The following ENOX1 variants were observed in gnomAD, a reference collection of about 807,000 sequenced individuals.
The protein encoded by ENOX1 is ecto-NOX disulfide-thiol exchanger 1.
ENOX1 carries 42 observed loss-of-function variants against 82.5 expected under a neutral mutation model. The observed-to-expected ratio is 0.51, with a 90% CI of 0.40 to 0.66. The LOEUF (loss-of-function observed/expected upper bound fraction) is 0.66. Ranked by LOEUF, ENOX1 falls within the 30% of genes least tolerant of loss-of-function variation. The pLI, the probability that ENOX1 is intolerant of heterozygous loss-of-function variation, is 0.00. For missense variants in ENOX1, 608 were observed against 811.6 expected (o/e 0.75, Z 3.05); for synonymous variants, 271 against 282.2 (o/e 0.96, Z 0.40).
intron 14 of ENOX1, among the ~76,000 whole-genome samples, chr13:43,253,823 G>A (rs750893163): frequency 9.9e-5 from 15 of 151,800 alleles, no homozygotes; most frequent in Non-Finnish European, 1.6e-4. Flanking sequence ...CCACCTTTTG[G>A]GCTCCCGACT....
chr13:43,659,360 C>T (rs935602261), intron 2 of ENOX1, among the ~76,000 whole-genome samples: 29 of 151,832 alleles, frequency 1.9e-4, no homozygotes, highest in African/African-American at 6.3e-4. Context: ...GGTAGTGGCA[C>T]GCGCCTGTAA....
At chr13:43,501,583 ACAATAT>A (rs1282272461) in intron 2 of ENOX1, among the ~76,000 whole-genome samples, 1 of 151,734 alleles carries the variant, frequency 6.6e-6, no homozygotes, top group Non-Finnish European at 1.5e-5. Context: ...GAAATCAAAC[ACAATAT>A]CAATAACAAA....
chr13:43,672,049 GATC>G, intron 1 of ENOX1, among the ~76,000 whole-genome samples: 1 of 152,244 alleles, frequency 6.6e-6, no homozygotes, highest in South Asian at 2.1e-4. Flanking sequence ...ATTGGACTGA[GATC>G]ATCACCCCTT....
chr13:43,702,419 T>C (rs1594471317), intron 1 of ENOX1, among the ~76,000 whole-genome samples: 1 of 152,198 alleles, frequency 6.6e-6, no homozygotes, highest in Admixed American at 6.5e-5. Flanking sequence ...GGTTGGCTAA[T>C]ACTCTACTGC....
chr13:43,247,555 T>C (rs2043144580), intron 14 of ENOX1, among the ~76,000 whole-genome samples: 1 of 151,714 alleles, frequency 6.6e-6, no homozygotes, highest in South Asian at 2.1e-4. Context: ...CAGTGTGAGT[T>C]ACATTTTCTA....
intron 3 of ENOX1, among the ~76,000 whole-genome samples, chr13:43,457,891 A>G (rs2057302462): frequency 5.3e-5 from 8 of 152,190 alleles, no homozygotes; most frequent in Admixed American, 4.6e-4. Context: ...ACTCTGAAAT[A>G]TATCTATTTT....
chr13:43,235,259 AT>A (rs1244754330), intron 15 of ENOX1, among the ~76,000 whole-genome samples: 3 of 152,232 alleles, frequency 2.0e-5, no homozygotes, highest in African/African-American at 7.2e-5. Context: ...CAAAAAAAAA[AT>A]AATTGGTTTT....
chr13:43,283,616 AT>A lies in ENOX1; in HGVS notation c.1447-14040del, dbSNP rs111677774. Among the ~76,000 whole-genome samples the A allele has an allele frequency of 1.9e-3, 270 of 143,868 alleles. 1 individual carries two copies. The highest frequency in any genetic ancestry group is 0.011 in the Middle Eastern group (3 of 278). The allele number at this position is 143,868 out of a possible 152,430, so 94.4% of individuals were successfully genotyped here. The stretch of plus-strand genomic sequence containing the variant: ...ACGTGCTACTATGCCTAGCTAATTA[AT>A]TTTTTTTTTTTTTGTACAGATGGGG... On this transcript the variant is annotated intron_variant, in intron 12 of 16. Coordinates refer to ENST00000690772, the MANE Select transcript of ENOX1 (RefSeq NM_001347969.2).
intron 5 of ENOX1, among the ~76,000 whole-genome samples, chr13:43,398,405 C>A (rs1045229925): frequency 3.3e-5 from 5 of 152,120 alleles, no homozygotes; most frequent in African/African-American, 1.2e-4. Flanking sequence ...TGGGGTGCTT[C>A]AGGGACTCAA....
chr13:43,471,327 T>C (rs924451839), intron 3 of ENOX1, among the ~76,000 whole-genome samples: 4 of 152,102 alleles, frequency 2.6e-5, no homozygotes, highest in African/African-American at 9.7e-5. Context: ...TGGGGTAATA[T>C]AGATTCGGGT....
intron 1 of ENOX1, among the ~76,000 whole-genome samples, chr13:43,715,307 T>A (rs1243935243): frequency 1.3e-5 from 2 of 152,040 alleles, no homozygotes; most frequent in African/African-American, 2.4e-5. Context: ...CTTCCCTTTG[T>A]GGGTAACCCG....
intron 2 of ENOX1, among the ~76,000 whole-genome samples, chr13:43,533,339 G>C (rs2078313206): frequency 6.6e-6 from 1 of 152,006 alleles, no homozygotes; most frequent in African/African-American, 2.4e-5. Context: ...AATATTTTGT[G>C]TCATTTTTCT....
At chr13:43,234,718 C>T (rs1423896061) in intron 15 of ENOX1, among the ~76,000 whole-genome samples, 1 of 152,152 alleles carries the variant, frequency 6.6e-6, no homozygotes, top group Non-Finnish European at 1.5e-5. Context: ...GCAGGCATAG[C>T]ATGTTATAAA....
intron 2 of ENOX1, among the ~76,000 whole-genome samples, chr13:43,633,692 G>A (rs200609228): frequency 3.1e-4 from 8 of 25,814 alleles, no homozygotes; most frequent in African/African-American, 7.7e-4. Context: ...GTGTGTATGT[G>A]TGTGTGTGTG....
intron 2 of ENOX1, among the ~76,000 whole-genome samples, chr13:43,558,448 T>C (rs1232841369): frequency 1.3e-5 from 2 of 152,204 alleles, no homozygotes; most frequent in South Asian, 2.1e-4. Context: ...GGCTACCAGG[T>C]TGGACTAAGA....
At chr13:43,550,251 G>A (rs562511634) in intron 2 of ENOX1, among the ~76,000 whole-genome samples, 11 of 152,122 alleles carry the variant, frequency 7.2e-5, no homozygotes, top group Non-Finnish European at 1.5e-4. Flanking sequence ...CCCTGCTCTA[G>A]GGTGCAGGAA....
At chr13:43,354,225 A>AG (rs750379020) in intron 8 of ENOX1, among the ~76,000 whole-genome samples, 2 of 152,148 alleles carry the variant, frequency 1.3e-5, no homozygotes, top group African/African-American at 2.4e-5. Flanking sequence ...TCTAGGCTGG[A>AG]GGGAAAAGTG....
Position 43,296,907 on chromosome 13 carries a change from G to A in ENOX1, c.1446+1439C>T, listed in dbSNP as rs2046314726. ...GTCATGGTCTTTGGGGAAATCGACG[G>A]CCTCTCATCTTGGCGAGGGTGCCAA... On this transcript the variant is annotated intron_variant, in intron 12 of 16. Transcript: ENST00000690772. Among the ~76,000 whole-genome samples, 6 of 152,158 alleles carry A rather than the reference G, an allele frequency of 3.9e-5. No individual in the cohort carries two copies. In the South Asian group the frequency reaches 1.2e-3, roughly 32 times the overall value.
At chr13:43,341,876 TA>T (rs2049085626) in intron 9 of ENOX1, among the ~76,000 whole-genome samples, 1 of 152,214 alleles carries the variant, frequency 6.6e-6, no homozygotes, top group Non-Finnish European at 1.5e-5. Context: ...TAATTCTGCC[TA>T]ATGAAACCTA....
Sources: allele counts gnomAD v4.1 joint callset (sites outside exome capture counted in the v4.1 genomes callset), GRCh38; gene constraint gnomAD v4.1.1; transcripts MANE v1.5; gene names NCBI Gene and HGNC (gene_info 2026-07-23, HGNC 2026-07-21).